PTPN13: variants seen among roughly 807,000 people sequenced by gnomAD.
The protein encoded by PTPN13 is tyrosine-protein phosphatase non-receptor type 13.
A neutral mutation model predicts 284.0 loss-of-function variants in PTPN13; 191 were observed. That is an observed-to-expected ratio of 0.67 (90% confidence interval 0.60 to 0.76). The LOEUF (loss-of-function observed/expected upper bound fraction) is 0.76. PTPN13 is among the 30% of genes least tolerant of loss of function. The probability of loss-of-function intolerance (pLI) is 0.00; values close to 1 mark genes in which losing one functional copy is unlikely to be tolerated. For missense variants in PTPN13, 2,797 were observed against 2,939.9 expected, an observed-to-expected ratio of 0.95 and a Z score of 1.12; for synonymous variants, 986 against 1,022.3, an observed-to-expected ratio of 0.96 and a Z score of 0.68.
intron 16 of PTPN13, 24 bp downstream of exon 16, chr4:86,741,840 A>T: frequency 6.5e-7 from 1 of 1,545,296 alleles, no homozygotes; most frequent in Non-Finnish European, 8.8e-7. Flanking sequence ...ACCTCTTTTC[A>T]TTATATTTTC....
intron 36 of PTPN13, among the ~76,000 whole-genome samples, chr4:86,781,731 G>A (rs1024343854): frequency 6.6e-6 from 1 of 151,948 alleles, no homozygotes; most frequent in Non-Finnish European, 1.5e-5. Context: ...TTGCGAGGCC[G>A]AGGCGGGCAG....
chr4:86,644,728 A>G (rs1202782724), intron 2 of PTPN13, among the ~76,000 whole-genome samples: 1 of 152,222 alleles, frequency 6.6e-6, no homozygotes, highest in East Asian at 1.9e-4. Flanking sequence ...ATTGAATCCA[A>G]CAATATATAA....
rs569605534 is a variant in PTPN13, at chr4:86,732,631, A to G, written c.1723A>G (p.Asn575Asp). The part of the protein sequence containing the change: ...GKNEDNRRKV[N>D]IMLLNGQRLE... ...GAATGAGGATAACCGAAGGAAAGTA[A>G]ACATAATGCTTCTGAACGGGCAAAG... The change falls in exon 12 of 48, where the codon AAC becomes GAC. Residue 575 changes from asparagine (N) to aspartate (D), a missense_variant. Coordinates refer to ENST00000411767, the MANE Select transcript of PTPN13 (RefSeq NM_080683.3). The G allele has an allele frequency of 4.3e-6, 7 of 1,613,568 alleles. No individual in the cohort carries two copies. The East Asian group carries it at 1.6e-4, about 36-fold the overall frequency.
At position 86,670,090 on chromosome 4, in the gene PTPN13, A is replaced by T. The variant is rs531400307; in HGVS notation, c.116-2275A>T. ...GAAGAGGAAGAATCTGGAAAAAAAT[A>T]AAAAACCGAGAAGGCGCAGTCTTTG... On this transcript the variant is annotated intron_variant, in intron 2 of 47. Transcript: ENST00000411767. Among the ~76,000 whole-genome samples, 4 of 151,542 alleles carry T rather than the reference A, an allele frequency of 2.6e-5. No individual in the cohort carries two copies. In the Admixed American group the frequency reaches 2.6e-4, roughly 10 times the overall value.
rs188036982 is a variant in PTPN13, at chr4:86,618,266, G to T, written c.-5-16986G>T. On this transcript the variant is annotated intron_variant, in intron 1 of 47. Coordinates refer to ENST00000411767, the MANE Select transcript of PTPN13 (RefSeq NM_080683.3). ...ATGTGGCATTATTTCTGAGGGCTCT[G>T]TTCTGTTCCATTGTTCTGTATCTCT... Among the ~76,000 whole-genome samples the T allele has an allele frequency of 5.7e-3, 870 of 152,218 alleles. 3 individuals carry two copies. Among genetic ancestry groups the T allele is most frequent in the Non-Finnish European group, 8.3e-3 (566 of 68,006 alleles).
chr4:86,770,194 C>A lies in PTPN13; in HGVS notation c.4798C>A (p.Leu1600Ile), dbSNP rs776467313. 2.5e-6 allele frequency: 4 copies of A among 1,612,362 alleles called. No individual in the cohort carries two copies. Among genetic ancestry groups the A allele is most frequent in the Non-Finnish European group, 8.5e-7 (1 of 1,178,736 alleles). The change falls in exon 30 of 48, where the codon CTT becomes ATT. Residue 1600 changes from leucine (L) to isoleucine (I), a missense_variant. By Grantham distance (5) the Leu-to-Ile change is conservative (BLOSUM62 2). Coordinates refer to ENST00000411767, the MANE Select transcript of PTPN13 (RefSeq NM_080683.3). ...TGTGCTACCGGAAATTGATACTGCG[C>A]TTTTGGTGAGACTTATGAAAAGTAA... ...PGVLPEIDTA[L>I]LTPLQSPAQV...
chr4:86,731,784 A>C (rs1463761884), intron 10 of PTPN13, among the ~76,000 whole-genome samples: 1 of 152,164 alleles, frequency 6.6e-6, no homozygotes, highest in South Asian at 2.1e-4. Context: ...GCTGAACTAC[A>C]GGTATGCACC....
intron 1 of PTPN13, among the ~76,000 whole-genome samples, chr4:86,603,489 T>C (rs944397431): frequency 7.9e-5 from 12 of 152,210 alleles, no homozygotes; most frequent in African/African-American, 2.7e-4. Flanking sequence ...CTAGCTGATA[T>C]TGTGCATGCT....
intron 10 of PTPN13, among the ~76,000 whole-genome samples, chr4:86,726,666 T>C (rs1360400461): frequency 4.0e-5 from 6 of 149,776 alleles, no homozygotes; most frequent in Middle Eastern, 3.4e-3. Flanking sequence ...TGATTTTGTA[T>C]CCTGACACTT....
rs184094990 is a variant in PTPN13, at chr4:86,764,817, A to G, written c.4149+93A>G. On this transcript the variant is annotated intron_variant, in intron 25 of 47. Transcript: ENST00000411767. ...TTTTTAATTGAATTATTTTGCATCA[A>G]AAGGGACACATCAAATACCTCCAAA... is the stretch of plus-strand genomic sequence containing the variant. 21 of 1,389,740 alleles carry G rather than the reference A, an allele frequency of 1.5e-5. No homozygotes were observed. In the East Asian group the frequency reaches 5.1e-4, roughly 34 times the overall value. 86.1% of individuals were successfully genotyped at this position (1,389,740 alleles called of 1,614,324 possible).
At chr4:86,642,048 T>C (rs988798323) in intron 2 of PTPN13, among the ~76,000 whole-genome samples, 10 of 152,240 alleles carry the variant, frequency 6.6e-5, no homozygotes, top group Non-Finnish European at 2.9e-5. Flanking sequence ...ATACATGTGA[T>C]GGCTAATGAC....
chr4:86,655,553 A>C (rs1725688556), intron 2 of PTPN13, among the ~76,000 whole-genome samples: 1 of 152,172 alleles, frequency 6.6e-6, no homozygotes, highest in Non-Finnish European at 1.5e-5. Context: ...TTTCTTTAAG[A>C]ATGTTGAATA....
chr4:86,701,109 T>A, intron 6 of PTPN13, 132 bp from the exon 7 acceptor site: 1 of 637,684 alleles, frequency 1.6e-6, no homozygotes. Context: ...ATCATCACCA[T>A]CCCATTTCAC....
chr4:86,758,795 AT>A lies in PTPN13; in HGVS notation c.3421+14del, dbSNP rs1346299919. On this transcript the variant is annotated intron_variant, in intron 22 of 47. Coordinates refer to ENST00000411767, the MANE Select transcript of PTPN13 (RefSeq NM_080683.3). ...GGATGCTTGAAGCCAGGTACTTTAC[AT>A]TTTGGTAGTTTTCTAAGTATTTTCT... 6.2e-7 allele frequency: 1 copy of A among 1,608,788 alleles called. No homozygotes were observed. The highest frequency in any genetic ancestry group is 8.5e-7 in the Non-Finnish European group (1 of 1,177,832).
chr4:86,663,255 A>C (rs1726715636), intron 2 of PTPN13, among the ~76,000 whole-genome samples: 1 of 152,250 alleles, frequency 6.6e-6, no homozygotes, highest in African/African-American at 2.4e-5. Flanking sequence ...ATGGTATATA[A>C]GTTTTGTATA....
intron 2 of PTPN13, among the ~76,000 whole-genome samples, chr4:86,646,239 A>G (rs1266654772): frequency 6.7e-6 from 1 of 149,766 alleles, no homozygotes; most frequent in East Asian, 2.0e-4. Context: ...TTCTAAACAT[A>G]TTATTAAGAG....
chr4:86,624,539 G>A (rs923966402), intron 1 of PTPN13, among the ~76,000 whole-genome samples: 2 of 152,166 alleles, frequency 1.3e-5, no homozygotes, highest in Non-Finnish European at 2.9e-5. Context: ...TAAAATCAAG[G>A]ATGAGCATGG....
chr4:86,721,634 T>G lies in PTPN13; in HGVS notation c.1386-578T>G, dbSNP rs370856760. On this transcript the variant is annotated intron_variant, in intron 9 of 47. Transcript: ENST00000411767. The stretch of plus-strand genomic sequence containing the variant: ...AGACTTCAAGGGTTTTAGGAGCTCT[T>G]TGTCAGGAACTGGGGACAAAGATCA... 4.1e-4 allele frequency among the ~76,000 whole-genome samples: 63 copies of G among 151,986 alleles called. No homozygotes were observed. In the East Asian group the frequency reaches 0.012, roughly 29 times the overall value.
intron 20 of PTPN13, among the ~76,000 whole-genome samples, chr4:86,754,609 C>T (rs1311597904): frequency 6.6e-6 from 1 of 152,060 alleles, no homozygotes; most frequent in Non-Finnish European, 1.5e-5. Context: ...CTAGAGTCTA[C>T]ACTCTAATCT....
Sources: gnomAD v4.1 joint callset for allele counts (sites outside exome capture counted in the v4.1 genomes callset) on GRCh38, gnomAD v4.1.1 for gene constraint, MANE v1.5 for transcripts, NCBI Gene and HGNC (gene_info 2026-07-23, HGNC 2026-07-21) for gene names.